The following DPP4 variants were observed in gnomAD, a reference collection of about 807,000 sequenced individuals.
The protein encoded by DPP4 is ADCP-2.
In DPP4, 93 loss-of-function variants were observed where a neutral mutation model predicts 122.4. The observed-to-expected ratio is 0.76, with a 90% CI of 0.64 to 0.90. DPP4 has a LOEUF of 0.90. Among genes scored for constraint, DPP4 ranks in the 40% least tolerant of loss-of-function variants. The probability of loss-of-function intolerance (pLI) is 0.00; values close to 1 mark genes in which losing one functional copy is unlikely to be tolerated. For missense variants in DPP4, 914 were observed against 907.3 expected (o/e 1.01, Z -0.09); for synonymous variants, 321 against 302.9 (o/e 1.06, Z -0.62).
At chr2:162,064,517 T>C (rs1301965657) in intron 2 of DPP4, among the ~76,000 whole-genome samples, 1 of 152,226 alleles carries the variant, frequency 6.6e-6, no homozygotes, top group Non-Finnish European at 1.5e-5. Flanking sequence ...CCTACTTTCC[T>C]GGGTTAACTT....
chr2:162,055,472 G>A (rs1412730303), intron 2 of DPP4, among the ~76,000 whole-genome samples: 3 of 152,008 alleles, frequency 2.0e-5, no homozygotes, highest in East Asian at 1.9e-4. Context: ...CGAGATGGGT[G>A]GATTGCTTGA....
intron 23 of DPP4, among the ~76,000 whole-genome samples, chr2:162,001,834 T>C (rs1701156963): frequency 6.6e-6 from 1 of 152,232 alleles, no homozygotes; most frequent in Admixed American, 6.5e-5. Context: ...TCCATAGAGC[T>C]ATACTACCCT....
chr2:162,038,171 G>T, intron 8 of DPP4, 131 bp downstream of exon 8: 1 of 885,396 alleles, frequency 1.1e-6, no homozygotes. Flanking sequence ...AGTTCTAAGA[G>T]AAATCTGATG....
At chr2:162,039,269 G>T in intron 5 of DPP4, 85 bp from the exon 6 acceptor site, 1 of 1,110,176 alleles carries the variant, frequency 9.0e-7, no homozygotes, top group Non-Finnish European at 1.3e-6. Flanking sequence ...GATAGGTTTG[G>T]TAATATATGA....
intron 19 of DPP4, 130 bp from the exon 20 acceptor site, chr2:162,012,117 G>C: frequency 1.2e-6 from 1 of 816,758 alleles, no homozygotes; most frequent in Non-Finnish European, 1.9e-6. Flanking sequence ...CCAGCCTATG[G>C]GGTGTCCAGA....
intron 10 of DPP4, among the ~76,000 whole-genome samples, 197 bp from the exon 11 acceptor site, chr2:162,025,136 A>G (rs560943799): frequency 6.6e-6 from 1 of 152,212 alleles, no homozygotes; most frequent in East Asian, 1.9e-4. Context: ...ATTTGGAATG[A>G]AAATTAAAAT....
chr2:162,046,865 A>G (rs1309592433), intron 4 of DPP4, 50 bp downstream of exon 4: 1 of 1,274,198 alleles, frequency 7.8e-7, no homozygotes, highest in South Asian at 1.2e-5. Flanking sequence ...AAGGTAATGA[A>G]AAAAATCCCC....
intron 2 of DPP4, among the ~76,000 whole-genome samples, chr2:162,050,053 G>T (rs1373650949): frequency 6.6e-6 from 1 of 152,092 alleles, no homozygotes; most frequent in African/African-American, 2.4e-5. Flanking sequence ...CCTTGAATTT[G>T]CCAACCTTCA....
At chr2:162,024,186 A>G (rs1034332188) in intron 11 of DPP4, among the ~76,000 whole-genome samples, 7 of 152,212 alleles carry the variant, frequency 4.6e-5, no homozygotes, top group Non-Finnish European at 1.0e-4. Flanking sequence ...CACCCCTCCC[A>G]GGCTGCAGGC....
At chr2:162,073,154 G>T in intron 2 of DPP4, 1 of 366,700 alleles carries the variant, frequency 2.7e-6, no homozygotes, top group Non-Finnish European at 4.9e-6. Flanking sequence ...ATTTCAGGAA[G>T]CATGCATTTA....
intron 1 of DPP4, 61 bp downstream of exon 1, chr2:162,073,915 G>C: frequency 6.2e-7 from 1 of 1,603,290 alleles, no homozygotes; most frequent in South Asian, 1.1e-5. Context: ...GGGCCATTTG[G>C]GGAGTTTGGC....
Position 161,994,988 on chromosome 2 carries a change from G to T in DPP4, c.2172C>A (p.Val724=). The T allele has an allele frequency of 1.2e-6, 2 of 1,613,880 alleles. No individual in the cohort carries two copies. The highest frequency in any genetic ancestry group is 8.5e-7 in the Non-Finnish European group (1 of 1,179,968). The change falls in exon 25 of 26, where the codon GTC becomes GTA. Residue 724 remains valine, a synonymous_variant. Coordinates refer to ENST00000360534, the MANE Select transcript of DPP4 (RefSeq NM_001935.4). ...TTGCCTGGAAATCCACTCCAACATC[G>T]ACCAGGGCTTTGGAGATCTGAGCTG... The part of the protein sequence containing the change: ...QQSAQISKAL[V]DVGVDFQAMW...
In DPP4 at chr2:162,009,258, T is replaced by C; in HGVS notation, c.1870A>G (p.Ile624Val). The change falls in exon 21 of 26, where the codon ATT becomes GTT. Residue 624 changes from isoleucine to valine, a missense_variant. By Grantham distance (29) the Ile-to-Val change is conservative. Coordinates refer to ENST00000360534, the MANE Select transcript of DPP4 (RefSeq NM_001935.4). ...CTACTCACCCAGCCCCAAATTGCAATTCGTTTGTTGTCCACAAATCCCATT... is the reference window on the plus strand; with the variant it reads ...CTACTCACCCAGCCCCAAATTGCAACTCGTTTGTTGTCCACAAATCCCATT... ...SKMGFVDNKRIAIWGWSYGGY... is the reference protein window; with the variant it reads ...SKMGFVDNKRVAIWGWSYGGY... The C allele has an allele frequency of 6.2e-7, 1 of 1,613,742 alleles. No individual in the cohort carries two copies. The highest frequency in any genetic ancestry group is 8.5e-7 in the Non-Finnish European group (1 of 1,179,738).
At position 162,045,627 on chromosome 2, in the gene DPP4, G is replaced by A. The variant is rs199687271; in HGVS notation, c.286-15C>T. On this transcript the variant is annotated splice_polypyrimidine_tract_variant and intron_variant, in intron 4 of 25. Coordinates refer to ENST00000360534, the MANE Select transcript of DPP4 (RefSeq NM_001935.4). ...CCAAACTCATCCTGTCAAACAAGAA[G>A]AACAAAGAAAAATTGAACAATTCCA... The A allele has an allele frequency of 1.6e-4, 253 of 1,592,320 alleles. 1 individual carries two copies. Among genetic ancestry groups the A allele is most frequent in the Middle Eastern group, 1.0e-3 (6 of 6,008 alleles).
intron 8 of DPP4, among the ~76,000 whole-genome samples, chr2:162,037,518 A>C: frequency 6.6e-6 from 1 of 152,198 alleles, no homozygotes; most frequent in East Asian, 1.9e-4. Flanking sequence ...TCATGAAGAA[A>C]AATTATTTTT....
chr2:162,059,330 C>A (rs1488210011), intron 2 of DPP4, among the ~76,000 whole-genome samples: 1 of 152,094 alleles, frequency 6.6e-6, no homozygotes, highest in Non-Finnish European at 1.5e-5. Context: ...AATAATGGCC[C>A]AAACTAATAC....
chr2:162,052,897 A>G (rs1012120134), intron 2 of DPP4, among the ~76,000 whole-genome samples: 10 of 152,158 alleles, frequency 6.6e-5, no homozygotes, highest in Non-Finnish European at 7.3e-5. Context: ...GAACTAGAGA[A>G]ATGGCCTTTC....
intron 2 of DPP4, among the ~76,000 whole-genome samples, chr2:162,063,559 C>A (rs1230023317): frequency 1.3e-5 from 2 of 151,636 alleles, no homozygotes; most frequent in African/African-American, 2.4e-5. Flanking sequence ...AGAGTGAGAG[C>A]CCCGAGGGGA....
Position 162,011,843 on chromosome 2 carries a change from G to T in DPP4, c.1782C>A (p.Ile594=). Residue 594 remains isoleucine (I), a synonymous_variant, in exon 20 of 26, where the codon ATC becomes ATA. Coordinates refer to ENST00000360534, the MANE Select transcript of DPP4 (RefSeq NM_001935.4). ...GYQGDKIMHA[I]NRRLGTFEVE... ...CTTCAAATGTTCCCAGTCTTCTGTT[G>T]ATTGCATGCATGATCTTATCTCCTT... The T allele has an allele frequency of 6.2e-7, 1 of 1,613,612 alleles. No individual in the cohort carries two copies. The highest frequency in any genetic ancestry group is 8.5e-7 in the Non-Finnish European group (1 of 1,179,714).
Sources: gnomAD v4.1 joint callset for allele counts (sites outside exome capture counted in the v4.1 genomes callset) on GRCh38, gnomAD v4.1.1 for gene constraint, MANE v1.5 for transcripts, NCBI Gene and HGNC (gene_info 2026-07-23, HGNC 2026-07-21) for gene names.